DPP6: variants seen among roughly 807,000 people sequenced by gnomAD.
DPP6 encodes dipeptidyl peptidase like 6.
In DPP6, 69 loss-of-function variants were observed where a neutral mutation model predicts 122.6. That is an observed-to-expected ratio of 0.56 (90% confidence interval 0.46 to 0.69). The LOEUF is 0.69. Ranked by LOEUF, DPP6 falls within the 30% of genes least tolerant of loss-of-function variation. The pLI is 0.00. For synonymous variants in DPP6, 418 were observed against 433.1 expected (o/e 0.97, Z 0.43); for missense variants, 928 against 1,116.9 (o/e 0.83, Z 2.41).
intron 1 of DPP6, among the ~76,000 whole-genome samples, chr7:154,371,414 A>C (rs937664062): frequency 2.0e-5 from 3 of 146,698 alleles, no homozygotes; most frequent in African/African-American, 8.2e-5. Context: ...AGAAAGAAAG[A>C]AAGAAAGACA....
At position 153,993,017 on chromosome 7, in the gene DPP6, A is replaced by C. The variant is rs537104311; in HGVS notation, c.51+105283A>C. Among the ~76,000 whole-genome samples the C allele has an allele frequency of 5.9e-5, 9 of 152,244 alleles. No individual in the cohort carries two copies. The South Asian group carries it at 1.9e-3, about 32-fold the overall frequency. ...CTTCCCCGGTATACTTGGTAATTCT[A>C]TATTCACATTATTCACACACATGCA... On this transcript the variant is annotated intron_variant, in intron 1 of 25. Coordinates refer to the DPP6 transcript ENST00000404039.
chr7:154,438,263 C>T (rs546528914), intron 1 of DPP6, among the ~76,000 whole-genome samples: 1 of 151,740 alleles, frequency 6.6e-6, no homozygotes, highest in Non-Finnish European at 1.5e-5. Context: ...GTCAGGAGAT[C>T]GAGACCATCC....
chr7:153,960,643 G>C (rs1392812709), intron 1 of DPP6, among the ~76,000 whole-genome samples: 1 of 130,472 alleles, frequency 7.7e-6, no homozygotes, highest in Middle Eastern at 3.7e-3. Flanking sequence ...GTGTGTGCAC[G>C]TGTGTGTGTG....
intron 1 of DPP6, among the ~76,000 whole-genome samples, chr7:154,155,743 G>A (rs1317803977): frequency 6.6e-6 from 1 of 152,194 alleles, no homozygotes; most frequent in Non-Finnish European, 1.5e-5. Context: ...GATCCCTGAA[G>A]ATGTCCCTTC....
intron 1 of DPP6, among the ~76,000 whole-genome samples, chr7:154,330,337 G>T (rs1178789031): frequency 6.6e-6 from 1 of 152,120 alleles, no homozygotes; most frequent in African/African-American, 2.4e-5. Flanking sequence ...AGGGAGAAAA[G>T]AAAAAAGACA....
intron 1 of DPP6, among the ~76,000 whole-genome samples, chr7:154,324,816 A>T (rs556299016): frequency 1.3e-5 from 2 of 148,190 alleles, no homozygotes; most frequent in Non-Finnish European, 3.0e-5. Context: ...TTAGGATGGG[A>T]TTTATTGTCT....
At chr7:153,943,575 CT>C (rs1801797694) in intron 1 of DPP6, among the ~76,000 whole-genome samples, 1 of 152,228 alleles carries the variant, frequency 6.6e-6, no homozygotes, top group African/African-American at 2.4e-5. Context: ...TAGTGATTTA[CT>C]TTCTAATGAC....
chr7:154,261,183 C>T (rs567185844), intron 1 of DPP6, among the ~76,000 whole-genome samples: 1 of 152,312 alleles, frequency 6.6e-6, no homozygotes, highest in Admixed American at 6.5e-5. Flanking sequence ...CATGAGCTGC[C>T]ACGCCCAGCC....
chr7:154,671,517 G>C (rs1275269886), intron 7 of DPP6, among the ~76,000 whole-genome samples: 1 of 117,536 alleles, frequency 8.5e-6, no homozygotes, highest in Non-Finnish European at 1.8e-5. Context: ...CTGCCTCATT[G>C]TCTGCACATG....
intron 1 of DPP6, among the ~76,000 whole-genome samples, chr7:154,430,875 TCTGA>T (rs1323874760): frequency 2.1e-5 from 3 of 146,214 alleles, no homozygotes; most frequent in African/African-American, 7.4e-5. Context: ...CCCAGGGATG[TCTGA>T]CTCATTCGAA....
At chr7:153,788,912 A>C in the DPP6 span, among the ~76,000 whole-genome samples, 1 of 151,612 alleles carries the variant, frequency 6.6e-6, no homozygotes, top group Non-Finnish European at 1.5e-5. Context: ...TTGGAGTGAG[A>C]TGAGATCGTG....
At chr7:154,749,685 T>C (rs554545294) in intron 8 of DPP6, among the ~76,000 whole-genome samples, 1 of 61,318 alleles carries the variant, frequency 1.6e-5, no homozygotes, top group African/African-American at 6.1e-5. Context: ...TGAGAGAGCA[T>C]AGGATGGGAA....
At position 154,781,362 on chromosome 7, in the gene DPP6, G is replaced by A. The variant is rs140457247; in HGVS notation, c.1136+8420G>A. On this transcript the variant is annotated intron_variant, in intron 10 of 25. Coordinates refer to ENST00000377770, the MANE Select transcript of DPP6 (RefSeq NM_130797.4). ...AAGGATGCCGCAGTCCCTAAGGCGC[G>A]TTCTCTGTGACCCCCTCTCACTTCG... 3.7e-3 allele frequency among the ~76,000 whole-genome samples: 556 copies of A among 152,292 alleles called. 6 individuals carry two copies. Among genetic ancestry groups the A allele is most frequent in the African/African-American group, 0.013 (526 of 41,536 alleles).
the DPP6 span, among the ~76,000 whole-genome samples, chr7:153,827,862 AC>A: frequency 6.6e-6 from 1 of 152,134 alleles, no homozygotes; most frequent in Non-Finnish European, 1.5e-5. Context: ...AGACAGCTGG[AC>A]TTTTACCTGC....
At chr7:154,063,619 C>G (rs139793837) in intron 1 of DPP6, among the ~76,000 whole-genome samples, 3 of 122,288 alleles carry the variant, frequency 2.5e-5, no homozygotes, top group Non-Finnish European at 5.4e-5. Flanking sequence ...GCACCCCCCA[C>G]GAGGCAGGGA....
chr7:154,409,210 T>C (rs1816382739), intron 1 of DPP6, among the ~76,000 whole-genome samples: 1 of 152,184 alleles, frequency 6.6e-6, no homozygotes, highest in African/African-American at 2.4e-5. Context: ...TTTAAAGAGA[T>C]AATTAAATTA....
intron 2 of DPP6, among the ~76,000 whole-genome samples, chr7:154,446,815 A>G (rs1016225671): frequency 1.3e-5 from 2 of 152,220 alleles, no homozygotes; most frequent in Admixed American, 1.3e-4. Flanking sequence ...GAAACCTACA[A>G]CAAATACAGA....
chr7:154,731,046 GC>G (rs1435334813), intron 8 of DPP6, among the ~76,000 whole-genome samples: 1 of 152,208 alleles, frequency 6.6e-6, no homozygotes, highest in Non-Finnish European at 1.5e-5. Flanking sequence ...AGGTTTATAT[GC>G]TGATGCTTAG....
chr7:154,290,594 A>G (rs1013580915), intron 1 of DPP6, among the ~76,000 whole-genome samples: 2 of 150,340 alleles, frequency 1.3e-5, no homozygotes, highest in African/African-American at 4.9e-5. Context: ...GTGAGCCGAG[A>G]TTGCACCATT....
Sources: allele counts gnomAD v4.1 joint callset (sites outside exome capture counted in the v4.1 genomes callset), GRCh38; gene constraint gnomAD v4.1.1; transcripts MANE v1.5; gene names NCBI Gene and HGNC (gene_info 2026-07-23, HGNC 2026-07-21).